EYA2: variants seen among roughly 807,000 people sequenced by gnomAD.
The protein encoded by EYA2 is protein phosphatase EYA2.
Under a neutral mutation model 69.2 loss-of-function variants are expected in EYA2, and 31 were observed. The observed-to-expected ratio is 0.45, with a 90% CI of 0.34 to 0.60. EYA2 has a LOEUF of 0.60. EYA2 is among the 20% of genes least tolerant of loss of function. The pLI, the probability that EYA2 is intolerant of heterozygous loss-of-function variation, is 0.02. For missense variants in EYA2, 622 were observed against 701.2 expected (o/e 0.89, Z 1.28); for synonymous variants, 257 against 279.4 (o/e 0.92, Z 0.80).
chr20:47,185,899 C>A (rs1255819018), intron 15 of EYA2, among the ~76,000 whole-genome samples: 1 of 152,092 alleles, frequency 6.6e-6, no homozygotes, highest in African/African-American at 2.4e-5. Flanking sequence ...ACGAATATTT[C>A]TTGAGCACCT....
rs11482454 is a variant in EYA2, at chr20:47,178,335, C to CAAA, written c.1199-1449_1199-1447dup. Among the ~76,000 whole-genome samples, 274 of 122,374 alleles carry CAAA rather than the reference C, an allele frequency of 2.2e-3. 4 individuals are homozygous for CAAA. The highest frequency in any genetic ancestry group is 6.8e-3 in the African/African-American group (239 of 35,070). 80.3% of individuals were successfully genotyped at this position (122,374 alleles called of 152,430 possible). A position where few individuals can be genotyped will look rare whatever the true frequency, so the allele number is the denominator to read the frequency against. On this transcript the variant is annotated intron_variant, in intron 12 of 15. Coordinates refer to ENST00000327619, the MANE Select transcript of EYA2 (RefSeq NM_005244.5). ...TGGGTGACAGAGCAAGATCTTGTCTCAAAAAAAAAAAAAAAAGACAAGGCC... is the reference window on the plus strand; with the variant it reads ...TGGGTGACAGAGCAAGATCTTGTCTCAAAAAAAAAAAAAAAAAAAGACAAGGCC...
intron 7 of EYA2, among the ~76,000 whole-genome samples, chr20:47,075,244 C>A (rs2031473450): frequency 6.6e-6 from 1 of 152,236 alleles, no homozygotes; most frequent in African/African-American, 2.4e-5. Flanking sequence ...TCCAGGCCCT[C>A]CCTTTAGTTT....
intron 1 of EYA2, among the ~76,000 whole-genome samples, chr20:46,958,430 C>T (rs918585591): frequency 1.3e-5 from 2 of 151,032 alleles, no homozygotes; most frequent in African/African-American, 4.9e-5. Flanking sequence ...TTAAATGAAT[C>T]TGAGCTCACG....
intron 10 of EYA2, chr20:47,161,365 G>T (rs1448540409): frequency 2.3e-6 from 1 of 441,680 alleles, no homozygotes; most frequent in Non-Finnish European, 4.3e-6. Flanking sequence ...AGCCTGGTGC[G>T]CTGGCTGGCG....
chr20:47,182,098 C>T (rs1053034276), intron 14 of EYA2, among the ~76,000 whole-genome samples: 1 of 151,984 alleles, frequency 6.6e-6, no homozygotes, highest in Admixed American at 6.6e-5. Flanking sequence ...TCACTACAAC[C>T]TCCGCCTCCT....
intron 10 of EYA2, 32 bp from the exon 11 acceptor site, chr20:47,169,107 C>G: frequency 1.3e-6 from 2 of 1,591,746 alleles, no homozygotes; most frequent in Non-Finnish European, 1.7e-6. Context: ...CATGTTCTCT[C>G]TCTCTCTCTC....
Position 47,016,176 on chromosome 20 carries a change from C to T in EYA2, c.299-5C>T, listed in dbSNP as rs1318921122. ...GTCCTTTTTTTTCCCCCTCTTCCTT[C>T]AAAGGCATCAAGACAGAAGACAGCT... is the stretch of plus-strand genomic sequence containing the variant. On this transcript the variant is annotated splice_region_variant and splice_polypyrimidine_tract_variant and intron_variant, in intron 4 of 15. Transcript: ENST00000327619. 4.4e-6 allele frequency: 7 copies of T among 1,609,082 alleles called. No individual in the cohort carries two copies. The South Asian group carries it at 7.7e-5, about 18-fold the overall frequency.
chr20:47,054,165 G>T (rs2146440467), intron 5 of EYA2, among the ~76,000 whole-genome samples: 1 of 152,260 alleles, frequency 6.6e-6, no homozygotes, highest in Admixed American at 6.5e-5. Context: ...AGACAGAATG[G>T]ACGGGGTTTG....
intron 1 of EYA2, among the ~76,000 whole-genome samples, chr20:46,911,713 T>A (rs950292716): frequency 5.3e-5 from 8 of 152,164 alleles, no homozygotes; most frequent in African/African-American, 1.9e-4. Flanking sequence ...AAATATCTCA[T>A]GTTCCCACTT....
intron 4 of EYA2, among the ~76,000 whole-genome samples, chr20:47,009,173 C>CCA (rs1379286694): frequency 1.3e-5 from 2 of 152,060 alleles, no homozygotes; most frequent in Non-Finnish European, 2.9e-5. Flanking sequence ...AGCCAGGCTG[C>CCA]CACACACACA....
intron 1 of EYA2, among the ~76,000 whole-genome samples, chr20:46,906,876 A>G (rs966554981): frequency 2.0e-5 from 3 of 152,240 alleles, no homozygotes; most frequent in Admixed American, 6.5e-5. Context: ...AAGGACAGGC[A>G]TGAGAAGGGG....
At chr20:46,990,916 C>T (rs1045877139) in intron 2 of EYA2, among the ~76,000 whole-genome samples, 2 of 152,218 alleles carry the variant, frequency 1.3e-5, no homozygotes, top group Admixed American at 6.5e-5. Flanking sequence ...TATAACATCA[C>T]AAGGAATTGG....
chr20:47,169,986 A>G (rs903444416), intron 11 of EYA2, among the ~76,000 whole-genome samples: 5 of 151,250 alleles, frequency 3.3e-5, no homozygotes, highest in African/African-American at 1.2e-4. Flanking sequence ...GCTCACTGCA[A>G]CCTCCACCTC....
At chr20:46,922,937 T>C (rs1172340767) in intron 1 of EYA2, among the ~76,000 whole-genome samples, 1 of 152,172 alleles carries the variant, frequency 6.6e-6, no homozygotes, top group African/African-American at 2.4e-5. Context: ...CCATGCAGTA[T>C]TCTGGGAGGG....
chr20:47,023,946 C>G (rs1983929739), intron 5 of EYA2, among the ~76,000 whole-genome samples: 1 of 152,144 alleles, frequency 6.6e-6, no homozygotes, highest in Admixed American at 6.6e-5. Context: ...GGGTCTTTTT[C>G]TGATAACTTC....
intron 5 of EYA2, among the ~76,000 whole-genome samples, chr20:47,066,415 T>C (rs1403048714): frequency 6.6e-6 from 1 of 152,142 alleles, no homozygotes; most frequent in Admixed American, 6.5e-5. Context: ...CCAAAAATGG[T>C]AGCAGTTCTC....
At chr20:47,029,674 G>T (rs1367279269) in intron 5 of EYA2, among the ~76,000 whole-genome samples, 2 of 151,986 alleles carry the variant, frequency 1.3e-5, no homozygotes, top group Non-Finnish European at 2.9e-5. Context: ...TTTACATTTT[G>T]CCCATATCAC....
At chr20:47,136,978 G>C (rs573613017) in intron 9 of EYA2, among the ~76,000 whole-genome samples, 1 of 151,928 alleles carries the variant, frequency 6.6e-6, no homozygotes. Flanking sequence ...CCGTACCTTC[G>C]CCTCAAGAGA....
chr20:47,154,819 T>TTTTGTGTG (rs1555832407), intron 10 of EYA2, among the ~76,000 whole-genome samples: 1 of 140,794 alleles, frequency 7.1e-6, no homozygotes, highest in East Asian at 2.3e-4. Context: ...TTATTTTGTT[T>TTTTGTGTG]TGTGTGTGTG....
Sources: allele counts gnomAD v4.1 joint callset (sites outside exome capture counted in the v4.1 genomes callset), GRCh38; gene constraint gnomAD v4.1.1; transcripts MANE v1.5; gene names NCBI Gene and HGNC (gene_info 2026-07-23, HGNC 2026-07-21).